Variants in LARP1 observed in about 807,000 individuals in gnomAD.
LARP1 encodes La ribonucleoprotein 1, translational regulator.
LARP1 carries 36 observed loss-of-function variants against 122.7 expected under a neutral mutation model. The observed-to-expected ratio is 0.29, with a 90% confidence interval of 0.22 to 0.39. LARP1 has a LOEUF of 0.39. Ranked by LOEUF, LARP1 falls within the 10% of genes least tolerant of loss-of-function variation. The probability of loss-of-function intolerance (pLI) is 1.00; values close to 1 mark genes in which losing one functional copy is unlikely to be tolerated. For missense variants in LARP1, 1,040 were observed against 1,403.6 expected (o/e 0.74, Z 4.14); for synonymous variants, 539 against 528.7 (o/e 1.02, Z -0.27).
chr5:154,747,845 C>CA (rs1448163852), intron 1 of LARP1, among the ~76,000 whole-genome samples: 2 of 151,906 alleles, frequency 1.3e-5, no homozygotes, highest in Non-Finnish European at 2.9e-5. Context: ...GCCTGGGCGA[C>CA]AGAGTGAGAC....
At chr5:154,744,879 C>A (rs573789046) in intron 1 of LARP1, among the ~76,000 whole-genome samples, 5 of 119,334 alleles carry the variant, frequency 4.2e-5, no homozygotes, top group Middle Eastern at 4.2e-3. Context: ...CCTCGTGATC[C>A]GCCCGCCTCG....
At chr5:154,804,503 G>T (rs1340481363) in intron 14 of LARP1, among the ~76,000 whole-genome samples, 196 bp downstream of exon 14, 1 of 152,156 alleles carries the variant, frequency 6.6e-6, no homozygotes, top group Non-Finnish European at 1.5e-5. Context: ...TAAAGAAGTG[G>T]TGTGGCAGTC....
intron 14 of LARP1, among the ~76,000 whole-genome samples, chr5:154,805,548 T>C (rs1021806951): frequency 1.2e-4 from 18 of 152,236 alleles, no homozygotes; most frequent in African/African-American, 4.1e-4. Flanking sequence ...TGACCCATGA[T>C]GGCTCATTAA....
chr5:154,706,659 C>T (rs1754965175), intron 1 of LARP1, among the ~76,000 whole-genome samples: 1 of 151,540 alleles, frequency 6.6e-6, no homozygotes, highest in East Asian at 1.9e-4. Context: ...ATCCCTCTGA[C>T]TCACAATTTA....
At chr5:154,810,908 G>A (rs973809606) in intron 16 of LARP1, among the ~76,000 whole-genome samples, 12 of 152,216 alleles carry the variant, frequency 7.9e-5, no homozygotes, top group African/African-American at 2.9e-4. Flanking sequence ...GAAAGAGTCA[G>A]TAAATACTTT....
chr5:154,788,447 A>G (rs977883531), intron 1 of LARP1, among the ~76,000 whole-genome samples: 1 of 151,970 alleles, frequency 6.6e-6, no homozygotes, highest in Non-Finnish European at 1.5e-5. Context: ...AGGCAAGGAC[A>G]CTCTCTACTC....
chr5:154,747,174 C>G (rs111869011), intron 1 of LARP1, among the ~76,000 whole-genome samples: 18,729 of 151,774 alleles, frequency 0.12, 1,411 homozygotes, highest in African/African-American at 0.22. Flanking sequence ...GGTGAGGTGG[C>G]GGGCACCTGT....
intron 1 of LARP1, among the ~76,000 whole-genome samples, chr5:154,777,976 T>C (rs952046944): frequency 6.6e-6 from 1 of 152,142 alleles, no homozygotes; most frequent in Non-Finnish European, 1.5e-5. Context: ...GTTTAAGAAG[T>C]GCAGGATGGG....
At chr5:154,792,453 T>C (rs548444258) in intron 3 of LARP1, among the ~76,000 whole-genome samples, 169 bp from the exon 4 acceptor site, 1 of 152,238 alleles carries the variant, frequency 6.6e-6, no homozygotes, top group Admixed American at 6.5e-5. Flanking sequence ...TTGACCATGC[T>C]TCCCACTGAA....
intron 1 of LARP1, among the ~76,000 whole-genome samples, chr5:154,757,839 TGCTCCCCTTCCCCCCTGCTCCCCTTCCCC>T (rs1561571971): frequency 5.3e-5 from 2 of 37,546 alleles, no homozygotes; most frequent in East Asian, 2.2e-3. Flanking sequence ...CCTTCCCCCC[TGCTCCCCTTCCCCCCTGCTCCCCTTCCCC>T]CCTCCTCCCC....
At chr5:154,725,956 T>G (rs1354823371) in intron 1 of LARP1, among the ~76,000 whole-genome samples, 15 of 152,182 alleles carry the variant, frequency 9.9e-5, no homozygotes, top group Admixed American at 9.8e-4. Flanking sequence ...TTGTCCTGCC[T>G]CGGCCTCTTG....
chr5:154,770,991 A>C (rs1227234110), intron 1 of LARP1, among the ~76,000 whole-genome samples: 1 of 152,072 alleles, frequency 6.6e-6, no homozygotes, highest in Non-Finnish European at 1.5e-5. Context: ...AGGCGCCCGT[A>C]ATCCCAGCTA....
At position 154,794,015 on chromosome 5, in the gene LARP1, T is replaced by C; in HGVS notation, c.1069+15T>C. 1 of 1,608,370 alleles carries C rather than the reference T, an allele frequency of 6.2e-7. No homozygotes were observed. Among genetic ancestry groups the C allele is most frequent in the South Asian group, 1.1e-5 (1 of 90,558 alleles). The stretch of plus-strand genomic sequence containing the variant: ...TGGCACTCGAAGTACGTGAGGCCCC[T>C]TTGGGCTCCGGGATGTCCAAGGGTG... On this transcript the variant is annotated intron_variant, in intron 6 of 18. Coordinates refer to ENST00000518297, the MANE Select transcript of LARP1 (RefSeq NM_033551.3).
intron 14 of LARP1, chr5:154,805,168 G>A (rs1234097870): frequency 6.0e-6 from 2 of 331,528 alleles, no homozygotes; most frequent in African/African-American, 4.3e-5. Context: ...GGAGGAGAGT[G>A]AGGTACAGTT....
intron 8 of LARP1, among the ~76,000 whole-genome samples, chr5:154,798,045 C>T (rs1461268963): frequency 6.6e-6 from 1 of 152,164 alleles, no homozygotes; most frequent in African/African-American, 2.4e-5. Flanking sequence ...ACAGTATCTT[C>T]AAGTCATTTG....
chr5:154,685,845 C>T (rs1230907999), intron 1 of LARP1: 6 of 512,116 alleles, frequency 1.2e-5, no homozygotes, highest in Middle Eastern at 3.2e-4. Context: ...CGGGGTCTTG[C>T]TCTGTTGCCA....
In LARP1 at chr5:154,799,748, A is replaced by G; in HGVS notation, c.1535A>G (p.Gln512Arg). The G allele has an allele frequency of 1.9e-6, 3 of 1,614,224 alleles. No homozygotes were observed. Among genetic ancestry groups the G allele is most frequent in the Middle Eastern group, 1.6e-4 (1 of 6,062 alleles). Reference sequence around the variant, plus strand: ...GAATTTGTTCCCCGTCAGCACTACCAAAAGGAGACAGGTAGGTACCTGCTG... The same window carrying G: ...GAATTTGTTCCCCGTCAGCACTACCGAAAGGAGACAGGTAGGTACCTGCTG... ...CPEFVPRQHY[Q>R]KETESAPGSP... Residue 512 changes from glutamine (Q) to arginine (R), a missense_variant, in exon 9 of 19, where the codon CAA (glutamine) becomes CGA (arginine). Transcript: ENST00000518297.
At chr5:154,774,272 A>G (rs574182075) in intron 1 of LARP1, among the ~76,000 whole-genome samples, 6 of 152,228 alleles carry the variant, frequency 3.9e-5, no homozygotes, top group Admixed American at 3.9e-4. Context: ...TAAATACTGG[A>G]TGGATCCAGG....
chr5:154,763,681 TGTACTA>T (rs1754667255), intron 1 of LARP1, among the ~76,000 whole-genome samples: 1 of 151,242 alleles, frequency 6.6e-6, no homozygotes, highest in Non-Finnish European at 1.5e-5. Context: ...CCACATGTAA[TGTACTA>T]GTACATCCTT....
Sources: gnomAD v4.1 joint callset for allele counts (sites outside exome capture counted in the v4.1 genomes callset) on GRCh38, gnomAD v4.1.1 for gene constraint, MANE v1.5 for transcripts, NCBI Gene and HGNC (gene_info 2026-07-23, HGNC 2026-07-21) for gene names.